DST: variants seen among roughly 807,000 people sequenced by gnomAD.
The protein encoded by DST is bullous pemphigoid antigen.
Under a neutral mutation model 875.2 loss-of-function variants are expected in DST, and 253 were observed. The ratio of observed to expected loss-of-function variants is 0.29; its 90% confidence interval spans 0.26 to 0.32. The LOEUF (loss-of-function observed/expected upper bound fraction) is 0.32. DST is among the 10% of genes least tolerant of loss of function. The probability of loss-of-function intolerance (pLI) is 1.00; values close to 1 mark genes in which losing one functional copy is unlikely to be tolerated. For missense variants in DST, 8,287 were observed against 9,111.6 expected (o/e 0.91, Z 3.68); for synonymous variants, 3,124 against 3,197.1 (o/e 0.98, Z 0.77).
At chr6:56,472,762 T>TTTTCCACTGAGATTGCATG (rs1315057743) in intron 93 of DST, among the ~76,000 whole-genome samples, 20 of 152,188 alleles carry the variant, frequency 1.3e-4, no homozygotes, top group Non-Finnish European at 2.5e-4. Context: ...CCCACATCCA[T>TTTTCCACTGAGATTGCATG]TTTCCACTGA....
At chr6:56,474,156 C>A (rs1182891785) in intron 92 of DST, 154 bp from the exon 93 acceptor site, 4 of 639,474 alleles carry the variant, frequency 6.3e-6, no homozygotes, top group East Asian at 3.1e-5. Context: ...AAAATCTAAA[C>A]CATCATACTG....
At chr6:56,949,142 T>G (rs532714521) in intron 2 of DST, among the ~76,000 whole-genome samples, 1 of 152,360 alleles carries the variant, frequency 6.6e-6, no homozygotes, top group African/African-American at 2.4e-5. Context: ...TCTTGAGCCT[T>G]AAGATTACAT....
At chr6:56,504,164 T>C in intron 77 of DST, 66 bp from the exon 78 acceptor site, 2 of 973,798 alleles carry the variant, frequency 2.1e-6, no homozygotes, top group South Asian at 3.2e-5. Context: ...GTATTTCAAG[T>C]ACTACAGAAA....
chr6:56,642,035 C>G lies in DST; in HGVS notation c.1939G>C (p.Glu647Gln). ...TGCTGGCGTAAAAGGTTCTCACATTCAAGTATATACCCAGCAATTTCTGCT... is the reference window on the plus strand; with the variant it reads ...TGCTGGCGTAAAAGGTTCTCACATTGAAGTATATACCCAGCAATTTCTGCT... ...NEAEIAGYIL[E>Q]CENLLRQHVI... is the part of the protein sequence containing the mutation. Residue 647 changes from glutamate (E) to glutamine (Q), a missense_variant, in exon 17 of 104, where the codon GAA (glutamate) becomes CAA (glutamine). Glu to Gln is a conservative substitution (Grantham distance 29). This residue lies in a region of DST where 1,160 missense variants were observed against 1,424.3 expected (regional missense o/e 0.81). Coordinates refer to ENST00000680361, the MANE Select transcript of DST (RefSeq NM_001374736.1). 2 of 1,612,634 alleles carry G rather than the reference C, an allele frequency of 1.2e-6. No individual in the cohort carries two copies. Among genetic ancestry groups the G allele is most frequent in the Non-Finnish European group, 1.7e-6 (2 of 1,178,842 alleles).
In DST at chr6:56,601,680, T is replaced by TA. The variant is rs1586263104; in HGVS notation, c.11308-5_11308-4insT. On this transcript the variant is annotated splice_polypyrimidine_tract_variant and splice_region_variant and intron_variant, in intron 43 of 103. Transcript: ENST00000680361. ...GTCCAAGGTCTTTTAATACATTCTG[T>TA]TAAAAAAGTAGTACAAGCTATCAGT... is the stretch of plus-strand genomic sequence containing the variant. The TA allele has an allele frequency of 7.8e-6, 12 of 1,530,918 alleles. No individual in the cohort carries two copies. In the East Asian group the frequency reaches 2.8e-4, roughly 36 times the overall value. 94.8% of individuals were successfully genotyped at this position (1,530,918 alleles called of 1,614,324 possible). A position where few individuals can be genotyped will look rare whatever the true frequency, so the allele number is the denominator to read the frequency against.
chr6:56,911,076 C>G (rs772016388), intron 2 of DST, among the ~76,000 whole-genome samples: 3 of 152,210 alleles, frequency 2.0e-5, no homozygotes, highest in Non-Finnish European at 4.4e-5. Context: ...TAGCCTCACA[C>G]CCCTCCAGTT....
intron 82 of DST, among the ~76,000 whole-genome samples, 183 bp downstream of exon 82, chr6:56,497,196 G>A (rs1211687520): frequency 2.0e-5 from 3 of 151,812 alleles, no homozygotes; most frequent in Non-Finnish European, 4.4e-5. Flanking sequence ...AAGAAATAAA[G>A]AATGGGTTCT....
chr6:56,518,558 A>G (rs1366289650), intron 69 of DST, among the ~76,000 whole-genome samples: 1 of 152,184 alleles, frequency 6.6e-6, no homozygotes, highest in Non-Finnish European at 1.5e-5. Flanking sequence ...TATACAAACA[A>G]CCCTATAATG....
At chr6:56,653,039 A>C (rs1447807793) in intron 10 of DST, among the ~76,000 whole-genome samples, 6 of 152,264 alleles carry the variant, frequency 3.9e-5, no homozygotes, top group Non-Finnish European at 8.8e-5. Flanking sequence ...TAGGGAAATA[A>C]AAAACAGACT....
intron 102 of DST, chr6:56,461,167 G>A (rs1269309443): frequency 6.6e-6 from 1 of 152,062 alleles, no homozygotes; most frequent in African/African-American, 2.4e-5. Flanking sequence ...AGCTTAAAAT[G>A]TTATAATCAT....
chr6:56,490,960 ATGAGCAACTGGC>A (rs1479547341), intron 85 of DST, among the ~76,000 whole-genome samples: 5 of 152,238 alleles, frequency 3.3e-5, no homozygotes, highest in Non-Finnish European at 7.3e-5. Context: ...GAGGAAAAAG[ATGAGCAACTGGC>A]TACTGATATC....
chr6:56,522,925 C>A (rs754976705), intron 69 of DST, among the ~76,000 whole-genome samples: 1 of 152,080 alleles, frequency 6.6e-6, no homozygotes, highest in Non-Finnish European at 1.5e-5. Context: ...AGTAAAAGTG[C>A]CTTTCTCCAT....
At chr6:56,941,011 G>A (rs1341362068) in intron 2 of DST, among the ~76,000 whole-genome samples, 1 of 151,946 alleles carries the variant, frequency 6.6e-6, no homozygotes, top group African/African-American at 2.4e-5. Flanking sequence ...GTCTAATTTG[G>A]TTTTCTCTTC....
Position 56,604,457 on chromosome 6 carries a change from T to G in DST, c.10171A>C (p.Lys3391Gln). The G allele has an allele frequency of 6.2e-7, 1 of 1,609,888 alleles. No homozygotes were observed. The highest frequency in any genetic ancestry group is 8.5e-7 in the Non-Finnish European group (1 of 1,177,544). The change falls in exon 40 of 104, where the codon AAA becomes CAA. Residue 3391 changes from lysine to glutamine, a missense_variant. Physicochemically the swap from Lys to Gln is moderately conservative, Grantham distance 53 (BLOSUM62 1). This residue lies in a region of DST where 3,138 missense variants were observed against 3,116.6 expected (regional missense o/e 1.01). Transcript: ENST00000680361. ...DTKILIQNLI[K>Q]RITTSQLVNE... Reference sequence around the variant, plus strand: ...ACCAACTGTGATGTGGTAATCCTTTTAATTAAATTTTGAATTAAAATTTTA... The same window carrying G: ...ACCAACTGTGATGTGGTAATCCTTTGAATTAAATTTTGAATTAAAATTTTA...
chr6:56,821,645 A>G (rs1039526345), intron 4 of DST, among the ~76,000 whole-genome samples: 2 of 152,226 alleles, frequency 1.3e-5, no homozygotes, highest in Non-Finnish European at 2.9e-5. Flanking sequence ...CTGCCCTATT[A>G]TCATTCAGAA....
At chr6:56,464,805 CAGA>C (rs1269451165) in intron 99 of DST, 49 bp from the exon 100 acceptor site, 8 of 1,394,346 alleles carry the variant, frequency 5.7e-6, no homozygotes, top group Non-Finnish European at 8.0e-6. Flanking sequence ...ATACTGTTAG[CAGA>C]AGAAGAAACA....
At position 56,840,155 on chromosome 6, in the gene DST, T is replaced by C. The variant is rs573728182; in HGVS notation, c.625+11242A>G. On this transcript the variant is annotated intron_variant, in intron 4 of 103. Transcript: ENST00000680361. ...CATCATACTACAAAGTAACAATGTG[T>C]TGGGAAAACAAATATTCCAATGATA... Among the ~76,000 whole-genome samples the C allele has an allele frequency of 7.2e-5, 11 of 152,316 alleles. No individual in the cohort carries two copies. The East Asian group carries it at 1.9e-3, about 27-fold the overall frequency.
At chr6:56,847,720 C>A (rs76708596) in intron 4 of DST, among the ~76,000 whole-genome samples, 3,290 of 152,274 alleles carry the variant, frequency 0.022, 116 homozygotes, top group African/African-American at 0.075. Context: ...CTCCCTTCTC[C>A]CCTCAGGTTA....
chr6:56,571,018 A>G (rs573967714), intron 53 of DST, among the ~76,000 whole-genome samples: 13 of 152,316 alleles, frequency 8.5e-5, no homozygotes, highest in Admixed American at 4.6e-4. Flanking sequence ...AAGTCTCCCA[A>G]AATGAGTTGA....
Sources: allele counts gnomAD v4.1 joint callset (sites outside exome capture counted in the v4.1 genomes callset), GRCh38; gene constraint gnomAD v4.1.1; regional missense constraint gnomAD v4.1.1; transcripts MANE v1.5; gene names NCBI Gene and HGNC (gene_info 2026-07-23, HGNC 2026-07-21).